Variants in GRID2 observed in about 807,000 individuals in gnomAD.
GRID2 encodes the protein glutamate ionotropic receptor delta type subunit 2.
GRID2 carries 33 observed loss-of-function variants against 114.8 expected under a neutral mutation model. That is an observed-to-expected ratio of 0.29 (90% CI 0.22 to 0.38). The LOEUF is 0.38. Ranked by LOEUF, GRID2 falls within the 10% of genes least tolerant of loss-of-function variation. GRID2 has a pLI of 1.00. For synonymous variants in GRID2, 505 were observed against 449.9 expected (o/e 1.12, Z -1.55); for missense variants, 1,184 against 1,257.7 (o/e 0.94, Z 0.89).
intron 14 of GRID2, among the ~76,000 whole-genome samples, chr4:93,701,353 G>C (rs1408600967): frequency 6.6e-6 from 1 of 152,046 alleles, no homozygotes; most frequent in Non-Finnish European, 1.5e-5. Context: ...AATCAGTTGT[G>C]TCTGAGAAAA....
chr4:92,414,286 G>A (rs1174277299), intron 1 of GRID2, among the ~76,000 whole-genome samples: 2 of 152,172 alleles, frequency 1.3e-5, no homozygotes, highest in African/African-American at 4.8e-5. Context: ...TGTTCAGATA[G>A]CCGTGCATCT....
chr4:92,916,503 C>T (rs1271153799), intron 2 of GRID2, among the ~76,000 whole-genome samples: 1 of 151,980 alleles, frequency 6.6e-6, no homozygotes, highest in African/African-American at 2.4e-5. Flanking sequence ...AATGCTATGC[C>T]TCCCCCCAGC....
rs147018470 is a variant in GRID2 at position 92,841,700 on chromosome 4, A to G, written c.245-243295A>G. ...AGTGAAGCCAGAAAAATTATTGCCC[A>G]AGGGGAAACATTTGTACTTCTCACT... On this transcript the variant is annotated intron_variant, in intron 2 of 15. Coordinates refer to ENST00000282020, the MANE Select transcript of GRID2 (RefSeq NM_001510.4). Among the ~76,000 whole-genome samples the G allele has an allele frequency of 9.2e-5, 14 of 152,206 alleles. No homozygotes were observed. In the East Asian group the frequency reaches 2.7e-3, roughly 29 times the overall value.
intron 2 of GRID2, among the ~76,000 whole-genome samples, chr4:92,607,232 C>A (rs558795877): frequency 6.6e-6 from 1 of 151,896 alleles, no homozygotes; most frequent in Non-Finnish European, 1.5e-5. Context: ...GGAAACATCA[C>A]TATTTTTAAT....
intron 13 of GRID2, among the ~76,000 whole-genome samples, chr4:93,564,098 T>C (rs937361970): frequency 2.6e-5 from 4 of 151,904 alleles, no homozygotes; most frequent in African/African-American, 9.7e-5. Context: ...GTACTATCCT[T>C]TCAGAAATTA....
intron 13 of GRID2, among the ~76,000 whole-genome samples, chr4:93,535,919 C>T (rs1397389688): frequency 6.6e-6 from 1 of 151,808 alleles, no homozygotes; most frequent in Non-Finnish European, 1.5e-5. Context: ...CATTTGTTTA[C>T]TTTTGCGTTT....
intron 1 of GRID2, among the ~76,000 whole-genome samples, chr4:92,389,504 G>GGACCCATTT (rs199992242): frequency 0.038 from 5,806 of 152,012 alleles, 136 homozygotes; most frequent in Middle Eastern, 0.058. Flanking sequence ...ACAGTTAAAA[G>GGACCCATTT]GACCCATTTT....
intron 4 of GRID2, among the ~76,000 whole-genome samples, chr4:93,145,414 T>C (rs1237853824): frequency 6.6e-6 from 1 of 151,558 alleles, no homozygotes; most frequent in East Asian, 1.9e-4. Context: ...TCTTAATTTG[T>C]TTTCATTTTA....
At chr4:93,495,147 G>T (rs999177215) in intron 12 of GRID2, among the ~76,000 whole-genome samples, 10 of 151,640 alleles carry the variant, frequency 6.6e-5, no homozygotes, top group Non-Finnish European at 1.5e-4. Flanking sequence ...TGTGTTCAGT[G>T]CTTTCATTCT....
intron 8 of GRID2, among the ~76,000 whole-genome samples, chr4:93,380,494 A>G (rs1223447117): frequency 6.6e-6 from 1 of 151,246 alleles, no homozygotes; most frequent in African/African-American, 2.4e-5. Context: ...CTTATTTTCC[A>G]AAGCATAGAT....
At chr4:93,192,640 G>T (rs931762989) in intron 4 of GRID2, among the ~76,000 whole-genome samples, 15 of 151,646 alleles carry the variant, frequency 9.9e-5, no homozygotes, top group South Asian at 2.1e-4. Context: ...CCAGCTACTC[G>T]GGAGGCTGAG....
chr4:92,967,907 C>T (rs556177762), intron 2 of GRID2, among the ~76,000 whole-genome samples: 10 of 151,934 alleles, frequency 6.6e-5, no homozygotes, highest in African/African-American at 4.8e-5. Context: ...ATGTGGAAAG[C>T]GGTGCAGGAT....
At chr4:93,717,631 A>G (rs1055874689) in intron 14 of GRID2, among the ~76,000 whole-genome samples, 4 of 152,164 alleles carry the variant, frequency 2.6e-5, no homozygotes, top group Non-Finnish European at 5.9e-5. Flanking sequence ...GTCTATATTT[A>G]TAACCATACG....
intron 14 of GRID2, among the ~76,000 whole-genome samples, chr4:93,731,065 G>A (rs1730443441): frequency 6.6e-6 from 1 of 152,222 alleles, no homozygotes; most frequent in Non-Finnish European, 1.5e-5. Context: ...TTTTTGGCCA[G>A]GAAGCAGACT....
chr4:93,346,689 G>A (rs183739413), intron 8 of GRID2, among the ~76,000 whole-genome samples: 3 of 152,144 alleles, frequency 2.0e-5, no homozygotes, highest in African/African-American at 7.2e-5. Flanking sequence ...TTTGAAAGTT[G>A]CCACATTCAA....
At chr4:93,741,130 C>A (rs923965879) in intron 14 of GRID2, among the ~76,000 whole-genome samples, 1 of 140,122 alleles carries the variant, frequency 7.1e-6, no homozygotes, top group Admixed American at 7.3e-5. Flanking sequence ...ATTAGTGGTT[C>A]CCATAACTAA....
intron 1 of GRID2, among the ~76,000 whole-genome samples, chr4:92,524,408 T>G (rs1724937297): frequency 2.5e-5 from 1 of 39,778 alleles, no homozygotes; most frequent in Non-Finnish European, 4.6e-5. Context: ...TTTCCTTGTC[T>G]TTTTTTTTTT....
chr4:93,061,833 T>C (rs1212047595), intron 2 of GRID2, among the ~76,000 whole-genome samples: 2 of 152,128 alleles, frequency 1.3e-5, no homozygotes, highest in Non-Finnish European at 2.9e-5. Flanking sequence ...GGCTACCACA[T>C]TGAGGTAGAC....
chr4:92,448,150 T>TGTAA (rs1230601068), intron 1 of GRID2, among the ~76,000 whole-genome samples: 1 of 151,554 alleles, frequency 6.6e-6, no homozygotes, highest in Non-Finnish European at 1.5e-5. Context: ...TATGTATGTA[T>TGTAA]GTATGTATGT....
Sources: gnomAD v4.1 joint callset for allele counts (sites outside exome capture counted in the v4.1 genomes callset) on GRCh38, gnomAD v4.1.1 for gene constraint, MANE v1.5 for transcripts, NCBI Gene and HGNC (gene_info 2026-07-23, HGNC 2026-07-21) for gene names.